The following HS3ST4 variants were observed in gnomAD, a reference collection of about 807,000 sequenced individuals.
The protein encoded by HS3ST4 is heparan sulfate glucosamine 3-O-sulfotransferase 4.
In HS3ST4, 17 loss-of-function variants were observed where a neutral mutation model predicts 29.2. The observed-to-expected ratio is 0.58, with a 90% CI of 0.40 to 0.87. The LOEUF is 0.87. Among genes scored for constraint, HS3ST4 ranks in the 40% least tolerant of loss-of-function variants. The probability of loss-of-function intolerance (pLI) is 0.00; values close to 1 mark genes in which losing one functional copy is unlikely to be tolerated. For synonymous variants in HS3ST4, 314 were observed against 285.7 expected, an observed-to-expected ratio of 1.10 and a Z score of -1.00; for missense variants, 627 against 634.5, an observed-to-expected ratio of 0.99 and a Z score of 0.13.
chr16:26,121,905 A>T (rs191013267), intron 1 of HS3ST4, among the ~76,000 whole-genome samples: 5 of 152,316 alleles, frequency 3.3e-5, no homozygotes, highest in Non-Finnish European at 4.4e-5. Context: ...TCCAGGTGGG[A>T]ACCCCAGTCA....
intron 1 of HS3ST4, among the ~76,000 whole-genome samples, chr16:26,067,862 C>G (rs2141774895): frequency 6.6e-6 from 1 of 152,250 alleles, no homozygotes; most frequent in Admixed American, 6.5e-5. Flanking sequence ...GGGCAGTTCC[C>G]CTACACATGG....
chr16:25,902,718 TCACAAGAAAG>T (rs1968130962), intron 1 of HS3ST4, among the ~76,000 whole-genome samples: 1 of 151,578 alleles, frequency 6.6e-6, no homozygotes, highest in South Asian at 2.1e-4. Context: ...ACCCATAAAA[TCACAAGAAAG>T]CGGCAATGTG....
intron 1 of HS3ST4, among the ~76,000 whole-genome samples, chr16:26,029,246 G>A (rs1024172616): frequency 9.2e-5 from 14 of 152,162 alleles, no homozygotes; most frequent in Non-Finnish European, 1.9e-4. Flanking sequence ...GTAGCTCAGG[G>A]AAACCTGGGG....
intron 1 of HS3ST4, among the ~76,000 whole-genome samples, chr16:26,015,403 T>C (rs72778351): frequency 0.015 from 2,255 of 152,324 alleles, 28 homozygotes; most frequent in Non-Finnish European, 0.022. Flanking sequence ...AGAGATGTCT[T>C]ATCCTCCCAA....
Position 26,086,231 on chromosome 16 carries a change from TTATAAA to T in HS3ST4, c.735-49371_735-49366del, listed in dbSNP as rs1327932256. Among the ~76,000 whole-genome samples, 13 of 152,370 alleles carry T rather than the reference TTATAAA, an allele frequency of 8.5e-5. No individual in the cohort carries two copies. In the South Asian group the frequency reaches 1.2e-3, roughly 15 times the overall value. ...CTTGTTCTTTTTTATTTTATAGTCC[TTATAAA>T]TATAAATATGAGAATATGTCACACA... On this transcript the variant is annotated intron_variant, in intron 1 of 1. Transcript: ENST00000331351.
At chr16:25,967,154 G>GT (rs1413088641) in intron 1 of HS3ST4, among the ~76,000 whole-genome samples, 1 of 152,068 alleles carries the variant, frequency 6.6e-6, no homozygotes, top group Non-Finnish European at 1.5e-5. Flanking sequence ...ATAATTCTTT[G>GT]TTTTTTGTTT....
intron 1 of HS3ST4, among the ~76,000 whole-genome samples, chr16:25,938,899 T>C (rs909336567): frequency 6.6e-6 from 1 of 152,234 alleles, no homozygotes; most frequent in Admixed American, 6.5e-5. Context: ...AGGAGGTAAC[T>C]GTTGGCTTAT....
intron 1 of HS3ST4, among the ~76,000 whole-genome samples, chr16:26,035,333 G>C (rs113026993): frequency 0.02 from 3,026 of 152,266 alleles, 42 homozygotes; most frequent in South Asian, 0.042. Flanking sequence ...CTCATGGACT[G>C]GCAAATTAAC....
intron 1 of HS3ST4, among the ~76,000 whole-genome samples, chr16:26,002,639 G>A (rs982642973): frequency 3.4e-5 from 5 of 149,094 alleles, no homozygotes; most frequent in African/African-American, 9.9e-5. Context: ...GAGAGAGAAA[G>A]GGAGGAAAGG....
intron 1 of HS3ST4, among the ~76,000 whole-genome samples, chr16:25,996,879 T>C (rs147324153): frequency 6.9e-4 from 105 of 152,318 alleles, no homozygotes; most frequent in Middle Eastern, 3.4e-3. Flanking sequence ...ATAGACATAA[T>C]AGATCTTCCA....
At chr16:25,946,852 G>A (rs74013107) in intron 1 of HS3ST4, among the ~76,000 whole-genome samples, 23,182 of 152,062 alleles carry the variant, frequency 0.15, 1,951 homozygotes, top group South Asian at 0.18. Flanking sequence ...AGCAAGGAAG[G>A]CAGGTGCAAA....
intron 1 of HS3ST4, among the ~76,000 whole-genome samples, chr16:26,118,058 G>T (rs1051339822): frequency 6.6e-6 from 1 of 152,162 alleles, no homozygotes; most frequent in African/African-American, 2.4e-5. Context: ...GTCACAGAAA[G>T]TCTCTCTTAG....
Position 25,760,108 on chromosome 16 carries a change from C to A in HS3ST4, c.734+66957C>A, listed in dbSNP as rs563065800. On this transcript the variant is annotated intron_variant, in intron 1 of 1. Transcript: ENST00000331351. ...TCTATGAGGGCTGCCATAGCCCTAACCCTAACCCTAACCCTAACCCTAACT... is the reference window on the plus strand; with the variant it reads ...TCTATGAGGGCTGCCATAGCCCTAAACCTAACCCTAACCCTAACCCTAACT... Among the ~76,000 whole-genome samples, 666 of 152,120 alleles carry A rather than the reference C, an allele frequency of 4.4e-3. 1 individual carries two copies. Among genetic ancestry groups the A allele is most frequent in the African/African-American group, 0.015 (616 of 41,514 alleles).
intron 1 of HS3ST4, among the ~76,000 whole-genome samples, chr16:25,832,340 C>T (rs1426888476): frequency 6.6e-6 from 1 of 152,148 alleles, no homozygotes; most frequent in African/African-American, 2.4e-5. Context: ...GCCATGAACA[C>T]AGAGAGCCCC....
chr16:26,124,365 A>G (rs775085132), intron 1 of HS3ST4, among the ~76,000 whole-genome samples: 2 of 152,134 alleles, frequency 1.3e-5, no homozygotes, highest in Non-Finnish European at 2.9e-5. Context: ...TCTCTAAGCT[A>G]AGACTTATTT....
At chr16:25,838,561 G>T (rs903354866) in intron 1 of HS3ST4, among the ~76,000 whole-genome samples, 2 of 152,116 alleles carry the variant, frequency 1.3e-5, no homozygotes, top group African/African-American at 4.8e-5. Flanking sequence ...ATTTACCCTG[G>T]AGTCTTTGGA....
chr16:26,035,111 C>T (rs1179067939), intron 1 of HS3ST4, among the ~76,000 whole-genome samples: 1 of 152,170 alleles, frequency 6.6e-6, no homozygotes, highest in African/African-American at 2.4e-5. Flanking sequence ...TCACAATCTC[C>T]AGAAATTAGC....
chr16:26,096,783 A>C (rs1160890764), intron 1 of HS3ST4, among the ~76,000 whole-genome samples: 2 of 152,098 alleles, frequency 1.3e-5, no homozygotes, highest in Non-Finnish European at 2.9e-5. Context: ...GGAAAAGAGG[A>C]AGTCAGATTG....
chr16:25,822,055 A>G (rs1193978978), intron 1 of HS3ST4, among the ~76,000 whole-genome samples: 4 of 152,098 alleles, frequency 2.6e-5, no homozygotes, highest in African/African-American at 9.7e-5. Context: ...GATGCCCGGT[A>G]TGTCTAGGCC....
Sources: allele counts gnomAD v4.1 joint callset (sites outside exome capture counted in the v4.1 genomes callset), GRCh38; gene constraint gnomAD v4.1.1; transcripts MANE v1.5; gene names NCBI Gene and HGNC (gene_info 2026-07-23, HGNC 2026-07-21).